RGS3: variants seen among roughly 807,000 people sequenced by gnomAD.
The protein encoded by RGS3 is regulator of G protein signaling 3.
Under a neutral mutation model 132.6 loss-of-function variants are expected in RGS3, and 80 were observed. The ratio of observed to expected loss-of-function variants is 0.60; its 90% CI spans 0.50 to 0.73. The LOEUF is 0.73. Ranked by LOEUF, RGS3 falls within the 30% of genes least tolerant of loss-of-function variation. The pLI is 0.00. For missense variants in RGS3, 1,382 were observed against 1,530.8 expected (o/e 0.90, Z 1.62); for synonymous variants, 598 against 620.6 (o/e 0.96, Z 0.54).
At chr9:113,536,335 G>T in intron 18 of RGS3, 1 of 277,310 alleles carries the variant, frequency 3.6e-6, no homozygotes, top group Non-Finnish European at 5.5e-6. Context: ...GTTCAGCCTT[G>T]GCCTTGGGAT....
At chr9:113,548,068 G>A (rs1479002822) in intron 19 of RGS3, among the ~76,000 whole-genome samples, 1 of 152,208 alleles carries the variant, frequency 6.6e-6, no homozygotes, top group Non-Finnish European at 1.5e-5. Flanking sequence ...TTTTATGAGT[G>A]ACTAGAATAT....
intron 14 of RGS3, among the ~76,000 whole-genome samples, chr9:113,509,156 G>T (rs1240531251): frequency 2.0e-5 from 3 of 151,944 alleles, no homozygotes; most frequent in Admixed American, 6.6e-5. Context: ...GTGGTGGTGT[G>T]CGCCAATAGT....
chr9:113,592,428 G>A (rs1835486444), intron 21 of RGS3: 1 of 152,160 alleles, frequency 6.6e-6, no homozygotes, highest in Non-Finnish European at 1.5e-5. Flanking sequence ...GGCATCCCGG[G>A]TGCTGGAGCA....
intron 5 of RGS3, 59 bp downstream of exon 3, chr9:113,483,176 A>G: frequency 8.1e-7 from 1 of 1,235,970 alleles, no homozygotes; most frequent in Non-Finnish European, 1.2e-6. Context: ...TACTGGGCTC[A>G]GTCCCAAGGT....
intron 3 of RGS3, among the ~76,000 whole-genome samples, chr9:113,471,817 T>C (rs1054245984): frequency 2.6e-5 from 4 of 152,182 alleles, no homozygotes; most frequent in African/African-American, 9.6e-5. Flanking sequence ...ATTAGGAGGC[T>C]TCTGTTTCTC....
intron 14 of RGS3, among the ~76,000 whole-genome samples, chr9:113,509,146 G>A (rs959883247): frequency 6.6e-6 from 1 of 152,012 alleles, no homozygotes; most frequent in Non-Finnish European, 1.5e-5. Context: ...ACTACTGGGC[G>A]TGGTGGTGTG....
intron 9 of RGS3, 47 bp from the exon 8 acceptor site, chr9:113,497,978 C>G: frequency 6.2e-7 from 1 of 1,605,144 alleles, no homozygotes; most frequent in African/African-American, 1.3e-5. Flanking sequence ...GGAGGGGAGA[C>G]TTCTCTGCCA....
exon 25 of RGS3, chr9:113,596,809 C>T (rs1835804692): frequency 3.1e-6 from 5 of 1,613,314 alleles, no homozygotes; most frequent in Non-Finnish European, 4.2e-6. Context: ...CCAAGGACAA[C>T]CTGCAGAGCG....
At position 113,463,625 on chromosome 9, in the gene RGS3, C is replaced by T; in HGVS notation, c.415+1424C>T. The T allele has an allele frequency of 8.3e-7, 1 of 1,207,324 alleles. No individual in the cohort carries two copies. 74.8% of individuals were successfully genotyped at this position (1,207,324 alleles called of 1,614,324 possible). On this transcript the variant is annotated intron_variant, in intron 3 of 24. Coordinates refer to ENST00000350696, the Ensembl canonical transcript of RGS3. The surrounding 1 kb of genome is among the most constrained non-coding windows in gnomAD (Gnocchi z 4.6). ...CCCAGCTCTGCTCCGGCAGGTGGAACTCTCCCCATTCAAACCCGCGCGGGC... is the reference window on the plus strand; with the variant it reads ...CCCAGCTCTGCTCCGGCAGGTGGAATTCTCCCCATTCAAACCCGCGCGGGC...
exon 24 of RGS3, chr9:113,595,698 A>T: frequency 6.2e-7 from 1 of 1,614,210 alleles, no homozygotes; most frequent in Non-Finnish European, 8.5e-7. Flanking sequence ...GTCAAGTCAC[A>T]GTCCAAGATG....
In RGS3 at chr9:113,506,492, C is replaced by T. The variant is rs1398814000; in HGVS notation, c.1084C>T (p.Arg362Trp). The T allele has an allele frequency of 8.8e-6, 14 of 1,583,226 alleles. No homozygotes were observed. The highest frequency in any genetic ancestry group is 3.5e-5 in the South Asian group (3 of 86,374). Residue 362 changes from arginine (R) to tryptophan (W), a missense_variant and splice_region_variant, in exon 12 of 25, where the codon CGG becomes TGG. Arg to Trp is a moderately radical substitution (Grantham distance 101). Transcript: ENST00000350696. This position sits in a 1 kb window ranked among gnomAD's most constrained non-coding sequence, Gnocchi z 4.7. ...ATGTGTGGAGCTGGCCCACGAGATC[C>T]GGTGACAGGGGACAGCGGGTGGCCT...
intron 19 of RGS3, among the ~76,000 whole-genome samples, chr9:113,545,521 G>A (rs1833071597): frequency 1.3e-5 from 2 of 152,190 alleles, no homozygotes; most frequent in Admixed American, 6.5e-5. Flanking sequence ...TGGACAGACT[G>A]CCTTCTTCGC....
chr9:113,589,823 G>A (rs1472016986), intron 20 of RGS3: 2 of 152,228 alleles, frequency 1.3e-5, no homozygotes, highest in African/African-American at 4.8e-5. Flanking sequence ...CCTTCCATCA[G>A]CCCTGTGAAG....
chr9:113,473,239 TGAAAG>T (rs1181710416), intron 3 of RGS3, among the ~76,000 whole-genome samples: 1 of 152,178 alleles, frequency 6.6e-6, no homozygotes, highest in African/African-American at 2.4e-5. Flanking sequence ...CTTCACCTCT[TGAAAG>T]GAAGAGTATC....
upstream of RGS3, among the ~76,000 whole-genome samples, chr9:113,459,478 G>A (rs1417114836): frequency 1.3e-5 from 2 of 152,010 alleles, no homozygotes; most frequent in East Asian, 3.9e-4. Flanking sequence ...TAGCCAGCAC[G>A]GTGGTTCACG....
chr9:113,541,890 C>T (rs1463087187), intron 19 of RGS3: 1 of 984,136 alleles, frequency 1.0e-6, no homozygotes, highest in South Asian at 4.7e-5. Flanking sequence ...ATTTCGGGTG[C>T]ATCTACTTTA....
At chr9:113,489,714 G>C (rs1163689297) in intron 7 of RGS3, among the ~76,000 whole-genome samples, 2 of 146,944 alleles carry the variant, frequency 1.4e-5, no homozygotes, top group East Asian at 4.0e-4. Flanking sequence ...TTTTTTTGTA[G>C]AGACGATGCC....
chr9:113,589,005 G>C (rs1204166180), intron 20 of RGS3: 1 of 152,280 alleles, frequency 6.6e-6, no homozygotes, highest in Non-Finnish European at 1.5e-5. Flanking sequence ...CCAAGAGGTG[G>C]TGAGCTCCTA....
chr9:113,522,861 G>C, intron 16 of RGS3, 69 bp from the exon 15 acceptor site: 1 of 972,532 alleles, frequency 1.0e-6, no homozygotes. Context: ...ACCTTCTCGG[G>C]GAGGTTGTGG....
Sources: allele counts gnomAD v4.1 joint callset (sites outside exome capture counted in the v4.1 genomes callset), GRCh38; gene constraint gnomAD v4.1.1; non-coding constraint Gnocchi (gnomAD v3.1); transcripts MANE v1.5; gene names NCBI Gene and HGNC (gene_info 2026-07-23, HGNC 2026-07-21).